ATP13A4: variants seen among roughly 807,000 people sequenced by gnomAD.
The protein encoded by ATP13A4 is ATPase 13A4.
ATP13A4 carries 114 observed loss-of-function variants against 142.5 expected under a neutral mutation model. That is an observed-to-expected ratio of 0.80 (90% confidence interval 0.69 to 0.93). The LOEUF (loss-of-function observed/expected upper bound fraction) is 0.93. Among genes scored for constraint, ATP13A4 ranks in the 40% least tolerant of loss-of-function variants. The pLI, the probability that ATP13A4 is intolerant of heterozygous loss-of-function variation, is 0.00. For missense variants in ATP13A4, 1,392 were observed against 1,454.0 expected (o/e 0.96, Z 0.69); for synonymous variants, 488 against 514.8 (o/e 0.95, Z 0.70).
intron 25 of ATP13A4, among the ~76,000 whole-genome samples, chr3:193,425,208 T>A (rs1355409399): frequency 6.6e-6 from 1 of 151,172 alleles, no homozygotes; most frequent in Non-Finnish European, 1.5e-5. Flanking sequence ...AGACAAAAAA[T>A]AATAAATATT....
At chr3:193,582,190 C>T (rs1724562322) in intron 1 of ATP13A4, among the ~76,000 whole-genome samples, 1 of 145,582 alleles carries the variant, frequency 6.9e-6, no homozygotes, top group African/African-American at 2.5e-5. Flanking sequence ...CTCTTGTGGC[C>T]CAGGCTGGAG....
intron 1 of ATP13A4, among the ~76,000 whole-genome samples, chr3:193,545,805 G>A (rs2108722422): frequency 6.6e-6 from 1 of 152,118 alleles, no homozygotes; most frequent in African/African-American, 2.4e-5. Flanking sequence ...ATGAGTAATT[G>A]ACACAACAAC....
At chr3:193,407,481 G>A (rs1714557368) in intron 28 of ATP13A4, 88 bp from the exon 29 acceptor site, 1 of 1,020,024 alleles carries the variant, frequency 9.8e-7, no homozygotes, top group East Asian at 2.5e-5. Flanking sequence ...ATTTTCCTAG[G>A]TTATAAATCT....
At chr3:193,527,171 G>T (rs1170263875) in intron 1 of ATP13A4, among the ~76,000 whole-genome samples, 1 of 152,174 alleles carries the variant, frequency 6.6e-6, no homozygotes, top group Admixed American at 6.5e-5. Flanking sequence ...CCCCTGTGAT[G>T]TGGTTTGGCT....
At chr3:193,408,247 A>G (rs889648739) in intron 28 of ATP13A4, among the ~76,000 whole-genome samples, 1 of 152,240 alleles carries the variant, frequency 6.6e-6, no homozygotes, top group Non-Finnish European at 1.5e-5. Flanking sequence ...ACTTCTAGGA[A>G]TTTATCTGAG....
Position 193,442,380 on chromosome 3 carries a change from T to C in ATP13A4, c.2316+13A>G. ...CATTGATAATGTGGCAGAAGGTCTG[T>C]GTTCAGGAGTACCTGATTCCCATAC... is the stretch of plus-strand genomic sequence containing the variant. On this transcript the variant is annotated intron_variant, in intron 19 of 29. Transcript: ENST00000342695. 10 of 1,612,258 alleles carry C rather than the reference T, an allele frequency of 6.2e-6. No individual in the cohort carries two copies. The highest frequency in any genetic ancestry group is 8.5e-6 in the Non-Finnish European group (10 of 1,178,336).
chr3:193,423,144 A>G (rs1411796098), intron 25 of ATP13A4, among the ~76,000 whole-genome samples: 2 of 149,804 alleles, frequency 1.3e-5, no homozygotes, highest in African/African-American at 4.9e-5. Flanking sequence ...GACACATACA[A>G]CCTACCAAGA....
At chr3:193,440,042 G>A (rs1486333412) in intron 21 of ATP13A4, 2 of 167,104 alleles carry the variant, frequency 1.2e-5, no homozygotes, top group Admixed American at 5.8e-5. Flanking sequence ...TTCTGTCTAG[G>A]AATGGAGACC....
intron 3 of ATP13A4, among the ~76,000 whole-genome samples, chr3:193,501,626 G>A (rs1577027897): frequency 6.8e-6 from 1 of 148,146 alleles, no homozygotes; most frequent in Non-Finnish European, 1.5e-5. Flanking sequence ...GATAACAATT[G>A]ACAATAGGAA....
chr3:193,438,445 A>G (rs1706431004), intron 23 of ATP13A4, 30 bp downstream of exon 23: 7 of 1,525,202 alleles, frequency 4.6e-6, no homozygotes, highest in Non-Finnish European at 6.4e-6. Context: ...CAAGAGAGAG[A>G]AAACAATGTT....
At chr3:193,415,221 A>T (rs1258188588) in intron 25 of ATP13A4, among the ~76,000 whole-genome samples, 2 of 152,248 alleles carry the variant, frequency 1.3e-5, no homozygotes, top group African/African-American at 4.8e-5. Context: ...GTTATGGTAC[A>T]TCTATACAAT....
At position 193,450,745 on chromosome 3, in the gene ATP13A4, C is replaced by T. The variant is rs536463009; in HGVS notation, c.2028-2415G>A. On this transcript the variant is annotated intron_variant, in intron 17 of 29. Coordinates refer to ENST00000342695, the MANE Select transcript of ATP13A4 (RefSeq NM_032279.4). ...TATGTTCCAAGCTAGGAAATCTGGC[C>T]GTGGCCAACCCGGAGATCTGTTCCT... 6.6e-5 allele frequency among the ~76,000 whole-genome samples: 10 copies of T among 152,212 alleles called. No individual in the cohort carries two copies. The East Asian group carries it at 1.4e-3, about 21-fold the overall frequency.
chr3:193,573,132 G>A (rs1372882481), intron 2 of ATP13A4, among the ~76,000 whole-genome samples: 2 of 150,446 alleles, frequency 1.3e-5, no homozygotes, highest in Non-Finnish European at 3.0e-5. Context: ...CACCGACATG[G>A]TTTAAATGTT....
At chr3:193,540,010 G>A (rs1722800334) in intron 1 of ATP13A4, among the ~76,000 whole-genome samples, 1 of 152,018 alleles carries the variant, frequency 6.6e-6, no homozygotes, top group Non-Finnish European at 1.5e-5. Flanking sequence ...TCCCCATAAG[G>A]TTGAAAGCCT....
At chr3:193,450,045 G>T (rs1278272580) in intron 17 of ATP13A4, among the ~76,000 whole-genome samples, 1 of 151,772 alleles carries the variant, frequency 6.6e-6, no homozygotes, top group Non-Finnish European at 1.5e-5. Flanking sequence ...CTTGAAGCCA[G>T]GAGGTGGAGT....
intron 1 of ATP13A4, among the ~76,000 whole-genome samples, chr3:193,539,357 C>A (rs1056958170): frequency 1.3e-5 from 2 of 152,154 alleles, no homozygotes; most frequent in Non-Finnish European, 2.9e-5. Context: ...TCCTATCTAC[C>A]AAGGCGTTCC....
intron 14 of ATP13A4, chr3:193,458,825 A>G: frequency 1.6e-6 from 1 of 610,478 alleles, no homozygotes; most frequent in South Asian, 2.0e-5. Flanking sequence ...CGAACCTTTA[A>G]TATTTGCCAG....
At chr3:193,405,977 C>T (rs1292129466) in intron 29 of ATP13A4, among the ~76,000 whole-genome samples, 2 of 152,094 alleles carry the variant, frequency 1.3e-5, no homozygotes, top group Admixed American at 1.3e-4. Context: ...CGTGATAATG[C>T]TCTTTTATTA....
chr3:193,516,379 C>T (rs369396708), intron 1 of ATP13A4, among the ~76,000 whole-genome samples: 39 of 152,342 alleles, frequency 2.6e-4, no homozygotes, highest in African/African-American at 8.9e-4. Context: ...TTCTCATTAA[C>T]TCAGAAATAC....
Sources: gnomAD v4.1 joint callset for allele counts (sites outside exome capture counted in the v4.1 genomes callset) on GRCh38, gnomAD v4.1.1 for gene constraint, MANE v1.5 for transcripts, NCBI Gene and HGNC (gene_info 2026-07-23, HGNC 2026-07-21) for gene names.